The following RNF144A variants were observed in gnomAD, a reference collection of about 807,000 sequenced individuals.
The protein encoded by RNF144A is ring finger protein 144A.
RNF144A carries 11 observed loss-of-function variants against 38.7 expected under a neutral mutation model. The observed-to-expected ratio is 0.28, with a 90% confidence interval of 0.18 to 0.47. RNF144A has a LOEUF of 0.47. Among genes scored for constraint, RNF144A ranks in the 20% least tolerant of loss-of-function variants. The pLI, the probability that RNF144A is intolerant of heterozygous loss-of-function variation, is 0.99. For missense variants in RNF144A, 316 were observed against 377.2 expected (o/e 0.84, Z 1.34); for synonymous variants, 149 against 143.9 (o/e 1.04, Z -0.25).
chr2:6,984,467 C>G (rs1572336199), intron 2 of RNF144A, among the ~76,000 whole-genome samples: 1 of 152,056 alleles, frequency 6.6e-6, no homozygotes, highest in Non-Finnish European at 1.5e-5. Context: ...CACATCCGCG[C>G]TAATTTTTGT....
rs1248063686 is a variant in RNF144A, at chr2:7,042,211, T to C, written c.*2451T>C. Reference sequence around the variant, plus strand: ...GTTTTAGTAAGGAGTGCCAGACTTATCTTTGATGGGAATACAGTATGAACC... The same window carrying C: ...GTTTTAGTAAGGAGTGCCAGACTTACCTTTGATGGGAATACAGTATGAACC... On this transcript the variant is annotated 3_prime_UTR_variant, in exon 9 of 9. Coordinates refer to ENST00000320892, the MANE Select transcript of RNF144A (RefSeq NM_014746.6). The C allele has an allele frequency of 2.0e-6, 2 of 985,452 alleles. No individual in the cohort carries two copies. The highest frequency in any genetic ancestry group is 2.4e-6 in the Non-Finnish European group (2 of 829,930). 61.0% of individuals were successfully genotyped at this position (985,452 alleles called of 1,614,324 possible).
chr2:6,970,378 G>C lies in RNF144A; in HGVS notation c.-11-26538G>C, dbSNP rs143919946. Reference sequence around the variant, plus strand: ...CTGCTGCCATCCACGTACAATGTGAGTTGGTCCTCCTTGCCTTTCACCATG... The same window carrying C: ...CTGCTGCCATCCACGTACAATGTGACTTGGTCCTCCTTGCCTTTCACCATG... On this transcript the variant is annotated intron_variant, in intron 2 of 8. Transcript: ENST00000320892. Among the ~76,000 whole-genome samples the C allele has an allele frequency of 8.1e-3, 1,232 of 152,280 alleles. 28 individuals are homozygous for C. The highest frequency in any genetic ancestry group is 0.028 in the African/African-American group (1,170 of 41,548).
intron 3 of RNF144A, among the ~76,000 whole-genome samples, chr2:7,001,805 G>A (rs138985614): frequency 6.6e-6 from 1 of 152,326 alleles, no homozygotes; most frequent in East Asian, 1.9e-4. Context: ...GTTGAGTTGC[G>A]TGGCTGAACA....
chr2:7,022,235 G>T (rs1671583466), intron 6 of RNF144A, among the ~76,000 whole-genome samples: 1 of 152,020 alleles, frequency 6.6e-6, no homozygotes, highest in African/African-American at 2.4e-5. Context: ...TGGAGGGTTT[G>T]TTGTTGTTGT....
intron 5 of RNF144A, among the ~76,000 whole-genome samples, chr2:7,016,840 A>G (rs1350278834): frequency 6.6e-6 from 1 of 152,156 alleles, no homozygotes; most frequent in Non-Finnish European, 1.5e-5. Context: ...TTCTGAAAAC[A>G]TTGAGTTACC....
intron 2 of RNF144A, among the ~76,000 whole-genome samples, chr2:6,984,948 T>C (rs1668856283): frequency 6.6e-6 from 1 of 152,250 alleles, no homozygotes; most frequent in South Asian, 2.1e-4. Flanking sequence ...ACTGGAAATG[T>C]AAAGCAGCTG....
At chr2:7,057,643 A>C (rs567276749) in intron 6 of RNF144A, among the ~76,000 whole-genome samples, 3 of 152,316 alleles carry the variant, frequency 2.0e-5, no homozygotes, top group South Asian at 4.1e-4. Flanking sequence ...TTCATGCAGG[A>C]GAGAGGTTCC....
chr2:7,054,304 A>C (rs902553943), intron 6 of RNF144A, among the ~76,000 whole-genome samples: 3 of 152,254 alleles, frequency 2.0e-5, no homozygotes, highest in African/African-American at 7.2e-5. Context: ...TACCCTGGAC[A>C]TAACATTCAT....
At chr2:7,059,488 T>C (rs34382674) in intron 6 of RNF144A, among the ~76,000 whole-genome samples, 12,121 of 152,286 alleles carry the variant, frequency 0.08, 533 homozygotes, top group Middle Eastern at 0.19. Context: ...AGCAAGGGCA[T>C]CTATGCTCAT....
At chr2:6,998,096 C>A (rs1669874565) in intron 3 of RNF144A, among the ~76,000 whole-genome samples, 1 of 151,364 alleles carries the variant, frequency 6.6e-6, no homozygotes. Context: ...TCAATTATAA[C>A]TGAAAAAAGC....
At chr2:6,986,248 C>T (rs752640478) in intron 2 of RNF144A, among the ~76,000 whole-genome samples, 5 of 151,890 alleles carry the variant, frequency 3.3e-5, no homozygotes, top group South Asian at 4.2e-4. Context: ...CAATAAAACC[C>T]GGTTTTTTTT....
At position 6,943,537 on chromosome 2, in the gene RNF144A, G is replaced by A. The variant is rs1666150409; in HGVS notation, c.-12+2390G>A. ...TTTCAGTTGGAAGCATTATCAGCAT[G>A]TTTAGATGCTGATGGGAGTGATTCT... On this transcript the variant is annotated intron_variant, in intron 2 of 8. Coordinates refer to ENST00000320892, the MANE Select transcript of RNF144A (RefSeq NM_014746.6). This position sits in a 1 kb window ranked among gnomAD's most constrained non-coding sequence, Gnocchi z 4.3. 6.6e-6 allele frequency among the ~76,000 whole-genome samples: 1 copy of A among 152,202 alleles called. No homozygotes were observed. Among genetic ancestry groups the A allele is most frequent in the African/African-American group, 2.4e-5 (1 of 41,446 alleles).
At chr2:7,048,311 C>A (rs1471335329), downstream of RNF144A, among the ~76,000 whole-genome samples, 1 of 152,214 alleles carries the variant, frequency 6.6e-6, no homozygotes, top group Non-Finnish European at 1.5e-5. Context: ...CATCGCAGGA[C>A]AAACACTGCG....
chr2:7,059,042 C>A (rs1240707455), intron 6 of RNF144A, among the ~76,000 whole-genome samples: 1 of 151,964 alleles, frequency 6.6e-6, no homozygotes, highest in African/African-American at 2.4e-5. Flanking sequence ...GGTGAAAAAC[C>A]TGTTTAAAAA....
At chr2:7,014,865 A>G in intron 5 of RNF144A, 93 bp downstream of exon 5, 2 of 854,572 alleles carry the variant, frequency 2.3e-6, no homozygotes, top group African/African-American at 1.7e-5. Context: ...ATGGTTATAC[A>G]GCATTTGATA....
chr2:7,049,543 CTG>C (rs1262879598), intron 6 of RNF144A, among the ~76,000 whole-genome samples: 6 of 152,218 alleles, frequency 3.9e-5, no homozygotes, highest in Admixed American at 2.6e-4. Context: ...AAAAATTCAA[CTG>C]TGCTCAGCGA....
intron 6 of RNF144A, among the ~76,000 whole-genome samples, chr2:7,063,460 T>A (rs953221711): frequency 6.6e-6 from 1 of 152,074 alleles, no homozygotes; most frequent in Non-Finnish European, 1.5e-5. Flanking sequence ...AGTGGAAATG[T>A]CCAAAGATCA....
At chr2:7,056,135 T>G (rs1673729973) in intron 6 of RNF144A, among the ~76,000 whole-genome samples, 1 of 152,166 alleles carries the variant, frequency 6.6e-6, no homozygotes, top group African/African-American at 2.4e-5. Context: ...GTCTTGGTTC[T>G]CTTACAAATT....
At chr2:6,955,445 G>GGA (rs1238626988) in intron 2 of RNF144A, among the ~76,000 whole-genome samples, 1 of 152,094 alleles carries the variant, frequency 6.6e-6, no homozygotes, top group Non-Finnish European at 1.5e-5. Context: ...AGAGACCCGT[G>GGA]GGGATTCCAG....
Sources: gnomAD v4.1 joint callset for allele counts (sites outside exome capture counted in the v4.1 genomes callset) on GRCh38, gnomAD v4.1.1 for gene constraint, Gnocchi (gnomAD v3.1) non-coding constraint, MANE v1.5 for transcripts, NCBI Gene and HGNC (gene_info 2026-07-23, HGNC 2026-07-21) for gene names.